Variants in TIMP3 observed in about 807,000 individuals in gnomAD.
TIMP3 encodes the protein TIMP metallopeptidase inhibitor 3, also known as metalloproteinase inhibitor 3.
Under a neutral mutation model 30.0 loss-of-function variants are expected in TIMP3, and 11 were observed. The ratio of observed to expected loss-of-function variants is 0.37; its 90% confidence interval spans 0.23 to 0.61. TIMP3 has a LOEUF of 0.61. Ranked by LOEUF, TIMP3 falls within the 20% of genes least tolerant of loss-of-function variation. TIMP3 has a pLI of 0.70. For synonymous variants in TIMP3, 112 were observed against 111.3 expected, an observed-to-expected ratio of 1.01 and a Z score of -0.04; for missense variants, 181 against 276.8, an observed-to-expected ratio of 0.65 and a Z score of 2.45.
At position 32,849,554 on chromosome 22, in the gene TIMP3, T is replaced by C. The variant is rs1227305189; in HGVS notation, c.204+20T>C. The C allele has an allele frequency of 1.2e-6, 2 of 1,609,090 alleles. No homozygotes were observed. The highest frequency in any genetic ancestry group is 1.7e-6 in the Non-Finnish European group (2 of 1,177,318). On this transcript the variant is annotated intron_variant, in intron 2 of 4. Coordinates refer to ENST00000266085, the MANE Select transcript of TIMP3 (RefSeq NM_000362.5). ...ATGAAGGTAGGTAATGTCATCACCCTGGCTCCGGGAAGGTTTTTGGGTTTT... is the reference window on the plus strand; with the variant it reads ...ATGAAGGTAGGTAATGTCATCACCCCGGCTCCGGGAAGGTTTTTGGGTTTT...
chr22:32,833,069 G>A (rs1601488558), intron 1 of TIMP3, among the ~76,000 whole-genome samples: 2 of 152,254 alleles, frequency 1.3e-5, no homozygotes, highest in East Asian at 1.9e-4. Flanking sequence ...AACACTAGAA[G>A]TACTTAAATA....
intron 1 of TIMP3, among the ~76,000 whole-genome samples, chr22:32,828,186 C>A (rs1359125907): frequency 6.6e-6 from 1 of 152,206 alleles, no homozygotes; most frequent in African/African-American, 2.4e-5. Flanking sequence ...GAGGCTGAGA[C>A]AAGTGAAGTG....
At chr22:32,832,286 G>A (rs979876785) in intron 1 of TIMP3, among the ~76,000 whole-genome samples, 2 of 151,240 alleles carry the variant, frequency 1.3e-5, no homozygotes, top group African/African-American at 4.8e-5. Flanking sequence ...CGAAGAGAAA[G>A]TGGAACCCAG....
chr22:32,811,904 G>T (rs917543561), intron 1 of TIMP3, among the ~76,000 whole-genome samples: 5 of 152,184 alleles, frequency 3.3e-5, no homozygotes, highest in African/African-American at 1.2e-4. Context: ...TAGCCAAAGA[G>T]AGGGCCCTAG....
chr22:32,847,089 C>A (rs911945101), intron 1 of TIMP3, among the ~76,000 whole-genome samples: 3 of 152,186 alleles, frequency 2.0e-5, no homozygotes, highest in Non-Finnish European at 4.4e-5. Context: ...CCACACCCCC[C>A]GGCCAAGACT....
chr22:32,823,860 C>A (rs563839517), intron 1 of TIMP3, among the ~76,000 whole-genome samples: 1 of 152,198 alleles, frequency 6.6e-6, no homozygotes, highest in South Asian at 2.1e-4. Context: ...ATGGTACATC[C>A]CCACAGTGCC....
At position 32,858,095 on chromosome 22, in the gene TIMP3, G is replaced by A; in HGVS notation, c.395G>A (p.Arg132His). The change falls in exon 4 of 5, where the codon CGC becomes CAC. Residue 132 changes from arginine (R) to histidine (H), a missense_variant. Around this residue, in one of 3 missense-constraint regions of TIMP3, gnomAD observed 63 missense variants for 133.3 expected, o/e 0.47. Coordinates refer to ENST00000266085, the MANE Select transcript of TIMP3 (RefSeq NM_000362.5). ...ERWDQLTLSQ[R>H]KGLNYRYHLG... ...TGGGACCAGCTCACCCTCTCCCAGCGCAAGGGGCTGAACTATCGGTATCAC... is the reference window on the plus strand; with the variant it reads ...TGGGACCAGCTCACCCTCTCCCAGCACAAGGGGCTGAACTATCGGTATCAC... 6.2e-7 allele frequency: 1 copy of A among 1,614,184 alleles called. No individual in the cohort carries two copies. Among genetic ancestry groups the A allele is most frequent in the South Asian group, 1.1e-5 (1 of 91,080 alleles).
chr22:32,833,450 T>C (rs1344200754), intron 1 of TIMP3, among the ~76,000 whole-genome samples: 1 of 152,152 alleles, frequency 6.6e-6, no homozygotes, highest in Non-Finnish European at 1.5e-5. Flanking sequence ...TGGCTTGACA[T>C]GGAACAGGCT....
chr22:32,845,882 G>A (rs929189372), intron 1 of TIMP3, among the ~76,000 whole-genome samples: 3 of 152,214 alleles, frequency 2.0e-5, no homozygotes, highest in African/African-American at 7.2e-5. Flanking sequence ...AATGCCTCGG[G>A]AGAACCCTGA....
chr22:32,812,318 G>C (rs1258205455), intron 1 of TIMP3, among the ~76,000 whole-genome samples: 1 of 152,186 alleles, frequency 6.6e-6, no homozygotes, highest in Non-Finnish European at 1.5e-5. Context: ...TTCTGTGGTT[G>C]CAAAAGTGGA....
At chr22:32,836,723 G>C (rs527267631) in intron 1 of TIMP3, among the ~76,000 whole-genome samples, 1 of 152,300 alleles carries the variant, frequency 6.6e-6, no homozygotes, top group Non-Finnish European at 1.5e-5. Context: ...TGCAGCAGGT[G>C]GGCCTTCCAA....
intron 1 of TIMP3, among the ~76,000 whole-genome samples, chr22:32,840,411 G>A (rs2047861321): frequency 6.6e-6 from 1 of 152,106 alleles, no homozygotes. Context: ...AGGGCCCTGG[G>A]GGACCAGGGT....
At chr22:32,821,130 A>G (rs2047236155) in intron 1 of TIMP3, among the ~76,000 whole-genome samples, 1 of 152,212 alleles carries the variant, frequency 6.6e-6, no homozygotes, top group South Asian at 2.1e-4. Context: ...GAGGATGTCA[A>G]AAGAGATGAA....
At chr22:32,807,304 A>ATC (rs1256730317) in intron 1 of TIMP3, among the ~76,000 whole-genome samples, 1 of 129,186 alleles carries the variant, frequency 7.7e-6, no homozygotes, top group Non-Finnish European at 1.6e-5. Context: ...ATATATATAT[A>ATC]TAAATATATA....
At chr22:32,827,665 G>C (rs573069303) in intron 1 of TIMP3, among the ~76,000 whole-genome samples, 1 of 152,252 alleles carries the variant, frequency 6.6e-6, no homozygotes, top group South Asian at 2.1e-4. Context: ...AAAAATGTCA[G>C]TCACATCTCT....
intron 1 of TIMP3, among the ~76,000 whole-genome samples, chr22:32,825,463 A>G (rs549811629): frequency 3.9e-5 from 6 of 152,082 alleles, no homozygotes; most frequent in Admixed American, 1.3e-4. Context: ...GCTCAAGACC[A>G]GTCTGGCCAA....
intron 1 of TIMP3, among the ~76,000 whole-genome samples, chr22:32,817,746 C>A (rs567248944): frequency 1.3e-5 from 2 of 152,106 alleles, no homozygotes; most frequent in African/African-American, 4.8e-5. Flanking sequence ...TTGTTTATAC[C>A]GTTAAGGACA....
chr22:32,851,907 A>G (rs898622059), intron 2 of TIMP3, among the ~76,000 whole-genome samples: 9 of 152,174 alleles, frequency 5.9e-5, no homozygotes, highest in African/African-American at 1.9e-4. Context: ...GTCAGACAAG[A>G]TACAGGCTAG....
chr22:32,851,153 C>T (rs1021960051), intron 2 of TIMP3, among the ~76,000 whole-genome samples: 3 of 152,150 alleles, frequency 2.0e-5, no homozygotes, highest in African/African-American at 7.2e-5. Context: ...GCAAAAAGCC[C>T]ACTTTGCAAC....
Sources: allele counts gnomAD v4.1 joint callset (sites outside exome capture counted in the v4.1 genomes callset), GRCh38; gene constraint gnomAD v4.1.1; regional missense constraint gnomAD v4.1.1; transcripts MANE v1.5; gene names NCBI Gene and HGNC (gene_info 2026-07-23, HGNC 2026-07-21).